CALD1: variants seen among roughly 807,000 people sequenced by gnomAD.
The protein encoded by CALD1 is caldesmon 1.
Under a neutral mutation model 99.9 loss-of-function variants are expected in CALD1, and 33 were observed. The ratio of observed to expected loss-of-function variants is 0.33; its 90% CI spans 0.25 to 0.44. The LOEUF is 0.44. CALD1 is among the 20% of genes least tolerant of loss of function. The pLI is 1.00. For synonymous variants in CALD1, 310 were observed against 325.0 expected (o/e 0.95, Z 0.50); for missense variants, 861 against 962.1 (o/e 0.89, Z 1.39).
rs534104790 is a variant in CALD1 at position 134,933,401 on chromosome 7, T to C, written c.632T>C (p.Met211Thr). Residue 211 changes from methionine (M) to threonine (T), a missense_variant, in exon 5 of 15, where the codon ATG (methionine) becomes ACG (threonine). Physicochemically the swap from Met to Thr is moderately conservative, Grantham distance 81 (BLOSUM62 -1). This residue lies in a region of CALD1 where 234 missense variants were observed against 233.1 expected (regional missense o/e 1.00). Transcript: ENST00000361675. The stretch of plus-strand genomic sequence containing the variant: ...ATTGGAGAAAATCAGGTAGAGGTGA[T>C]GGTGGAAGAGAAAACAACTGAAAGC... ...GSIGENQVEV[M>T]VEEKTTESQE... 2.5e-6 allele frequency: 4 copies of C among 1,612,126 alleles called. No homozygotes were observed. The highest frequency in any genetic ancestry group is 2.2e-5 in the East Asian group (1 of 44,754).
intron 3 of CALD1, among the ~76,000 whole-genome samples, chr7:134,913,878 G>A (rs1387749454): frequency 6.6e-6 from 1 of 152,132 alleles, no homozygotes; most frequent in Non-Finnish European, 1.5e-5. Context: ...GCCAATCCCT[G>A]GCTCAGATGA....
intron 1 of CALD1, among the ~76,000 whole-genome samples, chr7:134,786,465 A>G (rs141031999): frequency 1.3e-5 from 2 of 152,116 alleles, no homozygotes; most frequent in African/African-American, 2.4e-5. Context: ...TAAAATATGA[A>G]CCAGTGATCT....
At chr7:134,920,511 CT>C (rs1292984615) in intron 3 of CALD1, 1 of 1,157,312 alleles carries the variant, frequency 8.6e-7, no homozygotes, top group Non-Finnish European at 1.1e-6. Context: ...AGGCATTCTT[CT>C]TTGGGGTGTG....
intron 3 of CALD1, among the ~76,000 whole-genome samples, chr7:134,879,020 CCT>C: frequency 6.6e-6 from 1 of 152,116 alleles, no homozygotes; most frequent in Non-Finnish European, 1.5e-5. Flanking sequence ...TTATATTGAA[CCT>C]CTCTCTTTTG....
rs61757650 is a variant in CALD1 at position 134,933,745 on chromosome 7, G to A, written c.976G>A (p.Glu326Lys). 16,999 of 1,486,520 alleles carry A rather than the reference G, an allele frequency of 0.011. 359 individuals carry two copies. Among genetic ancestry groups the A allele is most frequent in the Middle Eastern group, 0.024 (137 of 5,796 alleles). 92.1% of individuals were successfully genotyped at this position (1,486,520 alleles called of 1,614,324 possible). ...RMREEEKRAA[E>K]ERQRIKEEEK... ...GAGGGAGGAAGAGAAAAGGGCAGCA[G>A]AGGAGAGGCAGAGGATAAAGGAGGA... Residue 326 changes from glutamate (E) to lysine (K), a missense_variant, in exon 5 of 15, where the codon GAG becomes AAG. Transcript: ENST00000361675.
intron 3 of CALD1, among the ~76,000 whole-genome samples, chr7:134,909,761 A>C (rs531873486): frequency 6.6e-6 from 1 of 152,340 alleles, no homozygotes; most frequent in East Asian, 1.9e-4. Context: ...CCTCACCTTA[A>C]AACTGACAGA....
chr7:134,762,594 G>T (rs1243828854), intron 1 of CALD1, among the ~76,000 whole-genome samples: 1 of 152,190 alleles, frequency 6.6e-6, no homozygotes, highest in African/African-American at 2.4e-5. Flanking sequence ...CTTCTGGGGA[G>T]GTTTCAGGAA....
At chr7:134,766,771 C>A (rs1451559092) in intron 1 of CALD1, among the ~76,000 whole-genome samples, 1 of 152,096 alleles carries the variant, frequency 6.6e-6, no homozygotes. Context: ...AGGCTAGACA[C>A]TGGCGTCAGG....
At chr7:134,728,837 T>C in the CALD1 span, among the ~76,000 whole-genome samples, 1 of 133,800 alleles carries the variant, frequency 7.5e-6, no homozygotes, top group African/African-American at 2.9e-5. Context: ...TGATAAAATA[T>C]ACCTTTTCTT....
chr7:134,833,992 C>G (rs1799332744), intron 1 of CALD1, among the ~76,000 whole-genome samples: 1 of 152,144 alleles, frequency 6.6e-6, no homozygotes, highest in Non-Finnish European at 1.5e-5. Flanking sequence ...AGAAAGATGC[C>G]TAGAATCCAG....
At chr7:134,747,169 G>A (rs1439038679) in intron 1 of CALD1, among the ~76,000 whole-genome samples, 2 of 152,090 alleles carry the variant, frequency 1.3e-5, no homozygotes, top group Non-Finnish European at 2.9e-5. Flanking sequence ...CAAGATAATT[G>A]GGACATTTAT....
chr7:134,791,937 A>T (rs1585945291), intron 1 of CALD1, among the ~76,000 whole-genome samples: 1 of 152,290 alleles, frequency 6.6e-6, no homozygotes, highest in African/African-American at 2.4e-5. Context: ...AAGCCATCAG[A>T]TTTCCTGAGA....
At chr7:134,721,151 T>C in the CALD1 span, among the ~76,000 whole-genome samples, 25 of 152,144 alleles carry the variant, frequency 1.6e-4, no homozygotes, top group African/African-American at 5.8e-4. Flanking sequence ...TCCCCCACAG[T>C]TGTGGCAAGA....
chr7:134,735,411 G>T, the CALD1 span, among the ~76,000 whole-genome samples: 1 of 152,178 alleles, frequency 6.6e-6, no homozygotes, highest in Non-Finnish European at 1.5e-5. Context: ...GTGAAATATT[G>T]AAGTAAACCT....
chr7:134,895,340 G>A lies in CALD1; in HGVS notation c.71+27536G>A, dbSNP rs1005902622. On this transcript the variant is annotated intron_variant, in intron 3 of 14. Transcript: ENST00000361675. Reference sequence around the variant, plus strand: ...TGTGTGTGTGTGTGTGTGTGTGTGTGTGTATGTATTTAGTGGAAACTCTTT... The same window carrying A: ...TGTGTGTGTGTGTGTGTGTGTGTGTATGTATGTATTTAGTGGAAACTCTTT... Among the ~76,000 whole-genome samples the A allele has an allele frequency of 5.8e-5, 8 of 138,472 alleles. No individual in the cohort carries two copies. The East Asian group carries it at 9.9e-4, about 17-fold the overall frequency. The allele number at this position is 138,472 out of a possible 152,430, so 90.8% of individuals were successfully genotyped here.
chr7:134,949,996 A>C (rs1041463935), intron 8 of CALD1, among the ~76,000 whole-genome samples: 3 of 152,130 alleles, frequency 2.0e-5, no homozygotes, highest in Non-Finnish European at 2.9e-5. Flanking sequence ...CATCCTGGGC[A>C]TGATGTGGCC....
chr7:134,859,960 G>C (rs1800490569), intron 2 of CALD1, among the ~76,000 whole-genome samples: 1 of 152,138 alleles, frequency 6.6e-6, no homozygotes. Flanking sequence ...CTGTTTGCTA[G>C]TGGAGAAGTA....
At chr7:134,759,948 C>T (rs1796762022) in intron 1 of CALD1, among the ~76,000 whole-genome samples, 1 of 152,194 alleles carries the variant, frequency 6.6e-6, no homozygotes, top group Admixed American at 6.5e-5. Flanking sequence ...TCTCTTTTCA[C>T]ATAGGGTCAA....
At chr7:134,840,795 A>G (rs554486005) in intron 1 of CALD1, among the ~76,000 whole-genome samples, 1 of 152,224 alleles carries the variant, frequency 6.6e-6, no homozygotes, top group African/African-American at 2.4e-5. Context: ...AAGTGGGGAT[A>G]ATAAAAAACA....
Sources: gnomAD v4.1 joint callset for allele counts (sites outside exome capture counted in the v4.1 genomes callset) on GRCh38, gnomAD v4.1.1 for gene constraint, gnomAD v4.1.1 regional missense constraint, MANE v1.5 for transcripts, NCBI Gene and HGNC (gene_info 2026-07-23, HGNC 2026-07-21) for gene names.